The following FRMD8 variants were observed in gnomAD, a reference collection of about 807,000 sequenced individuals.
The protein encoded by FRMD8 is FERM domain-containing protein 8.
In FRMD8, 37 loss-of-function variants were observed where a neutral mutation model predicts 54.2. The ratio of observed to expected loss-of-function variants is 0.68; its 90% CI spans 0.53 to 0.90. The LOEUF is 0.90. FRMD8 is among the 40% of genes least tolerant of loss of function. FRMD8 has a pLI of 0.00. For missense variants in FRMD8, 585 were observed against 653.7 expected (o/e 0.89, Z 1.15); for synonymous variants, 246 against 286.9 (o/e 0.86, Z 1.44).
At chr11:65,368,198 C>T in the FRMD8 span, among the ~76,000 whole-genome samples, 1 of 151,622 alleles carries the variant, frequency 6.6e-6, no homozygotes, top group Admixed American at 6.6e-5. Flanking sequence ...GCCTCAGCCT[C>T]CCAAGTGACT....
chr11:65,404,459 C>A lies in FRMD8; in HGVS notation c.1072-405C>A, dbSNP rs1055904565. The stretch of plus-strand genomic sequence containing the variant: ...CCGCCCGCCCCTGCCCTGGTGACAT[C>A]GCGCCCCTTCCTCCTGGCTGCAGGT... On this transcript the variant is annotated intron_variant, in intron 9 of 10. Transcript: ENST00000317568. The surrounding 1 kb of genome is among the most constrained non-coding windows in gnomAD (Gnocchi z 4.7). Among the ~76,000 whole-genome samples, 7 of 151,924 alleles carry A rather than the reference C, an allele frequency of 4.6e-5. No homozygotes were observed. Among genetic ancestry groups the A allele is most frequent in the African/African-American group, 1.7e-4 (7 of 41,338 alleles).
chr11:65,376,140 C>A, the FRMD8 span: 1 of 553,522 alleles, frequency 1.8e-6, no homozygotes, highest in Non-Finnish European at 3.2e-6. Flanking sequence ...GCACCACTTG[C>A]CAGCTCACTT....
the FRMD8 span, among the ~76,000 whole-genome samples, chr11:65,372,054 G>A: frequency 1.3e-5 from 2 of 152,080 alleles, no homozygotes; most frequent in African/African-American, 2.4e-5. Flanking sequence ...TGGGATTACA[G>A]GCATGTGCCA....
chr11:65,388,355 T>A (rs76441477), intron 2 of FRMD8, among the ~76,000 whole-genome samples: 4,680 of 152,212 alleles, frequency 0.031, 281 homozygotes, highest in African/African-American at 0.11. Context: ...TTTTGTGATC[T>A]CTGAGAGTAG....
intron 7 of FRMD8, 93 bp from the exon 8 acceptor site, chr11:65,399,643 G>A (rs1393135414): frequency 6.7e-7 from 1 of 1,499,628 alleles, no homozygotes; most frequent in Non-Finnish European, 9.0e-7. Context: ...CACCCAAACA[G>A]CAGAAGTTCC....
intron 3 of FRMD8, among the ~76,000 whole-genome samples, 165 bp downstream of exon 3, chr11:65,389,693 A>G (rs1855805325): frequency 6.6e-6 from 1 of 152,156 alleles, no homozygotes; most frequent in Non-Finnish European, 1.5e-5. Flanking sequence ...CTGAGCACCT[A>G]GAGCCCTGAG....
intron 10 of FRMD8, among the ~76,000 whole-genome samples, chr11:65,407,755 G>A (rs191084964): frequency 2.0e-5 from 3 of 152,014 alleles, no homozygotes; most frequent in Admixed American, 1.3e-4. Context: ...AAATTAGCCA[G>A]ACGTGGTGGT....
At chr11:65,395,031 A>C (rs1231206134) in intron 6 of FRMD8, among the ~76,000 whole-genome samples, 1 of 149,714 alleles carries the variant, frequency 6.7e-6, no homozygotes, top group African/African-American at 2.5e-5. Context: ...CAAATCGCTT[A>C]AGGTCAGGAG....
chr11:65,389,339 G>A (rs770059422), intron 2 of FRMD8, 22 bp from the exon 3 acceptor site: 16 of 1,607,030 alleles, frequency 1.0e-5, no homozygotes, highest in Non-Finnish European at 1.4e-5. Flanking sequence ...CCTCAGCTGA[G>A]CCTGCCTGGT....
At chr11:65,377,221 T>C in the FRMD8 span, 34 of 1,439,272 alleles carry the variant, frequency 2.4e-5, no homozygotes, top group Non-Finnish European at 2.5e-5. Flanking sequence ...CTCACGTGCA[T>C]GTGTGGCTGG....
the FRMD8 span, chr11:65,379,908 C>A: frequency 6.2e-7 from 1 of 1,614,180 alleles, no homozygotes; most frequent in Non-Finnish European, 8.5e-7. Context: ...TCAACGATGC[C>A]CCGGTAGGTG....
chr11:65,393,925 C>T (rs989112258), intron 4 of FRMD8, 116 bp from the exon 5 acceptor site: 6 of 1,120,936 alleles, frequency 5.4e-6, no homozygotes, highest in Non-Finnish European at 8.0e-6. Context: ...CTGCACGGCC[C>T]TCCGGTTTTC....
intron 7 of FRMD8, among the ~76,000 whole-genome samples, chr11:65,399,068 G>A (rs1338512177): frequency 6.7e-6 from 1 of 148,944 alleles, no homozygotes; most frequent in East Asian, 2.0e-4. Flanking sequence ...CACGATCTTG[G>A]CTCACTGCGA....
upstream of FRMD8, chr11:65,383,245 T>C (rs1855655745): frequency 6.6e-6 from 1 of 152,424 alleles, no homozygotes; most frequent in Admixed American, 6.5e-5. Flanking sequence ...CCTCTCACTG[T>C]GGCCAAGGCA....
In FRMD8 at chr11:65,404,718, C is replaced by T; in HGVS notation, c.1072-146C>T. On this transcript the variant is annotated intron_variant, in intron 9 of 10. Transcript: ENST00000317568. This position sits in a 1 kb window ranked among gnomAD's most constrained non-coding sequence, Gnocchi z 4.7. ...CTTCACAGTCACCCAAGTGGGACAC[C>T]TCCCCTGCCTCCCTGCTCCCTCCCT... The T allele has an allele frequency of 6.0e-6, 4 of 663,416 alleles. No homozygotes were observed. The highest frequency in any genetic ancestry group is 1.0e-5 in the Non-Finnish European group (4 of 384,336). The allele number at this position is 663,416 out of a possible 1,614,324, so 41.1% of individuals were successfully genotyped here.
At position 65,400,345 on chromosome 11, in the gene FRMD8, G is replaced by A. The variant is rs961162507; in HGVS notation, c.928-379G>A. Among the ~76,000 whole-genome samples the A allele has an allele frequency of 3.3e-5, 5 of 152,132 alleles. No individual in the cohort carries two copies. The highest frequency in any genetic ancestry group is 2.1e-4 in the South Asian group (1 of 4,826). ...GTTTTGGCTGGCTTCTGGTTGTCCCGGAAGAAGGACCCCAGCCCCTGCTGC... is the reference window on the plus strand; with the variant it reads ...GTTTTGGCTGGCTTCTGGTTGTCCCAGAAGAAGGACCCCAGCCCCTGCTGC... On this transcript the variant is annotated intron_variant, in intron 8 of 10. Transcript: ENST00000317568. The surrounding 1 kb of genome is among the most constrained non-coding windows in gnomAD (Gnocchi z 4.3).
intron 3 of FRMD8, among the ~76,000 whole-genome samples, chr11:65,390,000 G>A (rs953377591): frequency 3.9e-5 from 6 of 152,192 alleles, no homozygotes; most frequent in Admixed American, 6.5e-5. Flanking sequence ...GTGGCTTCCC[G>A]GTCGGCCTCT....
chr11:65,382,984 G>A (rs2137835237), upstream of FRMD8: 1 of 152,408 alleles, frequency 6.6e-6, no homozygotes, highest in Non-Finnish European at 1.5e-5. The surrounding 1 kb of genome is among the most constrained non-coding windows in gnomAD (Gnocchi z 4.4). Context: ...GTCTGGACAG[G>A]GATCTCTGGG....
At chr11:65,397,149 G>A (rs879837853) in intron 7 of FRMD8, 129 bp downstream of exon 7, 7 of 526,764 alleles carry the variant, frequency 1.3e-5, no homozygotes, top group African/African-American at 2.0e-5. Context: ...GTCTTGTCAC[G>A]AGCACCTCAG....
Sources: gnomAD v4.1 joint callset for allele counts (sites outside exome capture counted in the v4.1 genomes callset) on GRCh38, gnomAD v4.1.1 for gene constraint, Gnocchi (gnomAD v3.1) non-coding constraint, MANE v1.5 for transcripts, NCBI Gene and HGNC (gene_info 2026-07-23, HGNC 2026-07-21) for gene names.